The following DIP2C variants were observed in gnomAD, a reference collection of about 807,000 sequenced individuals.
DIP2C encodes the protein DIP2 acetate--CoA ligase C (putative).
DIP2C carries 33 observed loss-of-function variants against 192.4 expected under a neutral mutation model. The observed-to-expected ratio is 0.17, with a 90% CI of 0.13 to 0.23. DIP2C has a LOEUF of 0.23. Among genes scored for constraint, DIP2C ranks in the 10% least tolerant of loss-of-function variants. DIP2C has a pLI of 1.00. For missense variants in DIP2C, 1,537 were observed against 2,110.1 expected, an observed-to-expected ratio of 0.73 and a Z score of 5.32; for synonymous variants, 979 against 864.1, an observed-to-expected ratio of 1.13 and a Z score of -2.33.
At chr10:623,890 AAG>A (rs1460607897) in intron 1 of DIP2C, among the ~76,000 whole-genome samples, 7 of 152,206 alleles carry the variant, frequency 4.6e-5, no homozygotes, top group Non-Finnish European at 7.4e-5. Flanking sequence ...AGGTGGATGA[AAG>A]AGGCGGACAG....
At chr10:385,902 T>TG in intron 14 of DIP2C, among the ~76,000 whole-genome samples, 1 of 151,952 alleles carries the variant, frequency 6.6e-6, no homozygotes, top group South Asian at 2.1e-4. Flanking sequence ...CTCTGCCGAC[T>TG]CCCCGCCACT....
At chr10:672,407 T>G (rs553798176) in intron 1 of DIP2C, among the ~76,000 whole-genome samples, 1 of 152,296 alleles carries the variant, frequency 6.6e-6, no homozygotes, top group Admixed American at 6.5e-5. Flanking sequence ...CACTGTCCAC[T>G]CCCACTAGGG....
chr10:488,734 A>T (rs1236981849), intron 1 of DIP2C, among the ~76,000 whole-genome samples: 1 of 152,188 alleles, frequency 6.6e-6, no homozygotes, highest in Non-Finnish European at 1.5e-5. Flanking sequence ...CCACGGCATA[A>T]ATCACACGCT....
At chr10:562,860 T>G (rs1849291524) in intron 1 of DIP2C, among the ~76,000 whole-genome samples, 4 of 152,186 alleles carry the variant, frequency 2.6e-5, no homozygotes. Context: ...GCAGTGACAG[T>G]GGAAGAGCTG....
chr10:681,629 G>A (rs532995520), intron 1 of DIP2C, among the ~76,000 whole-genome samples: 4 of 144,466 alleles, frequency 2.8e-5, no homozygotes, highest in East Asian at 2.1e-4. Context: ...CTATGGCCAC[G>A]GAAATTCCAG....
intron 1 of DIP2C, among the ~76,000 whole-genome samples, chr10:583,703 G>C (rs1429048332): frequency 1.3e-5 from 2 of 152,114 alleles, no homozygotes; most frequent in Non-Finnish European, 1.5e-5. Context: ...GTTCTGCCAC[G>C]GTCATCCTCC....
chr10:586,729 G>A (rs913429661), intron 1 of DIP2C, among the ~76,000 whole-genome samples: 1 of 152,200 alleles, frequency 6.6e-6, no homozygotes, highest in African/African-American at 2.4e-5. Flanking sequence ...CCTCCCTTTA[G>A]GTGACATCTG....
chr10:451,350 A>G (rs1199750934), intron 3 of DIP2C, among the ~76,000 whole-genome samples: 1 of 152,242 alleles, frequency 6.6e-6, no homozygotes, highest in Admixed American at 6.5e-5. Flanking sequence ...CTCGGCCACC[A>G]AAACACTCAC....
intron 4 of DIP2C, among the ~76,000 whole-genome samples, chr10:433,312 A>T (rs1435830109): frequency 6.6e-6 from 1 of 152,224 alleles, no homozygotes; most frequent in Non-Finnish European, 1.5e-5. Context: ...TCTTGGAGAA[A>T]ATAATCATCT....
chr10:365,153 C>T (rs556117181), intron 19 of DIP2C: 86 of 393,640 alleles, frequency 2.2e-4, no homozygotes, highest in South Asian at 1.6e-3. Context: ...AGCTCAGTTT[C>T]GAGGGATATT....
intron 2 of DIP2C, among the ~76,000 whole-genome samples, chr10:480,964 C>T (rs557651824): frequency 6.6e-6 from 1 of 152,234 alleles, no homozygotes; most frequent in East Asian, 1.9e-4. Flanking sequence ...AACACCCTTA[C>T]CCTGTGAGCT....
At chr10:501,781 A>AT (rs1845250192) in intron 1 of DIP2C, among the ~76,000 whole-genome samples, 1 of 152,182 alleles carries the variant, frequency 6.6e-6, no homozygotes, top group African/African-American at 2.4e-5. Context: ...CACCGACCAC[A>AT]GGCCAGGCAC....
In DIP2C at chr10:422,872, T is replaced by C. The variant is rs1187144792; in HGVS notation, c.556A>G (p.Ser186Gly). 1 of 1,613,272 alleles carries C rather than the reference T, an allele frequency of 6.2e-7. No individual in the cohort carries two copies. Among genetic ancestry groups the C allele is most frequent in the Admixed American group, 1.7e-5 (1 of 60,036 alleles). ...TCCGCCAGCCTGTGGGCAGCCCCGC[T>C]GCCCCCGCTCTGCGTAGAGGACGAG... Reference protein sequence around the residue: ...TSSSSTQSGGSGAAHRLADVM... With the variant: ...TSSSSTQSGGGGAAHRLADVM... Residue 186 changes from serine (S) to glycine (G), a missense_variant, in exon 5 of 37, where the codon AGC becomes GGC. Transcript: ENST00000280886.
chr10:419,893 T>C (rs1966063533), intron 5 of DIP2C, among the ~76,000 whole-genome samples: 1 of 152,138 alleles, frequency 6.6e-6, no homozygotes, highest in Non-Finnish European at 1.5e-5. Context: ...CCCCTGGAGA[T>C]AAAGTTAAGC....
rs142588720 is a variant in DIP2C, at chr10:583,735, C to G, written c.86-97205G>C. Among the ~76,000 whole-genome samples the G allele has an allele frequency of 3.8e-3, 571 of 152,266 alleles. 4 individuals are homozygous for G. The highest frequency in any genetic ancestry group is 0.013 in the African/African-American group (549 of 41,548). On this transcript the variant is annotated intron_variant, in intron 1 of 36. Transcript: ENST00000280886. The stretch of plus-strand genomic sequence containing the variant: ...CTCCTTGTAATAAAATAAAGAACAC[C>G]CGATGCAGAAACAGGTATTAAATGA...
In DIP2C at chr10:636,879, T is replaced by C. The variant is rs1192602917; in HGVS notation, c.85+52615A>G. On this transcript the variant is annotated intron_variant, in intron 1 of 36. Transcript: ENST00000280886. This position sits in a 1 kb window ranked among gnomAD's most constrained non-coding sequence, Gnocchi z 4.6. Reference sequence around the variant, plus strand: ...TTCCGTCATACACTTCTCAGCAGCTTCCCGGTGAGGCTGCTGGTTCACGAG... The same window carrying C: ...TTCCGTCATACACTTCTCAGCAGCTCCCCGGTGAGGCTGCTGGTTCACGAG... 6.6e-6 allele frequency among the ~76,000 whole-genome samples: 1 copy of C among 152,194 alleles called. No homozygotes were observed. The highest frequency in any genetic ancestry group is 1.5e-5 in the Non-Finnish European group (1 of 68,020).
intron 4 of DIP2C, chr10:430,495 C>T (rs932750920): frequency 3.3e-5 from 5 of 152,252 alleles, no homozygotes; most frequent in Admixed American, 3.3e-4. Context: ...CACATGCCAT[C>T]ACACTTGGCT....
chr10:443,542 G>C (rs1451105687), intron 3 of DIP2C, among the ~76,000 whole-genome samples: 1 of 152,110 alleles, frequency 6.6e-6, no homozygotes, highest in Admixed American at 6.5e-5. Context: ...CCAGCAAGCA[G>C]AACACACAAC....
intron 17 of DIP2C, among the ~76,000 whole-genome samples, chr10:370,302 C>T (rs1422488114): frequency 1.3e-5 from 2 of 152,250 alleles, no homozygotes; most frequent in Admixed American, 6.5e-5. Flanking sequence ...ACGTTCACCA[C>T]GCTGGGGCCC....
Sources: gnomAD v4.1 joint callset for allele counts (sites outside exome capture counted in the v4.1 genomes callset) on GRCh38, gnomAD v4.1.1 for gene constraint, Gnocchi (gnomAD v3.1) non-coding constraint, MANE v1.5 for transcripts, NCBI Gene and HGNC (gene_info 2026-07-23, HGNC 2026-07-21) for gene names.